Variants in GPC6 observed in about 807,000 individuals in gnomAD.
GPC6 encodes the protein glypican-6.
GPC6 carries 14 observed loss-of-function variants against 55.2 expected under a neutral mutation model. That is an observed-to-expected ratio of 0.25 (90% confidence interval 0.17 to 0.40). The LOEUF (loss-of-function observed/expected upper bound fraction) is 0.40, where lower values mean the gene tolerates loss of function less well. GPC6 is among the 10% of genes least tolerant of loss of function. GPC6 has a pLI of 1.00. For missense variants in GPC6, 641 were observed against 708.5 expected (o/e 0.90, Z 1.08); for synonymous variants, 278 against 259.6 (o/e 1.07, Z -0.68).
intron 3 of GPC6, among the ~76,000 whole-genome samples, chr13:94,022,324 T>C (rs1045901591): frequency 2.6e-5 from 4 of 152,106 alleles, no homozygotes; most frequent in Non-Finnish European, 5.9e-5. Flanking sequence ...GCCACAAATA[T>C]TTGAAATCAT....
At chr13:93,225,659 G>T (rs920906261), upstream of GPC6, among the ~76,000 whole-genome samples, 1 of 152,086 alleles carries the variant, frequency 6.6e-6, no homozygotes, top group African/African-American at 2.4e-5. Context: ...AGGAGAGGGG[G>T]AATTTATTAA....
rs183658090 is a variant in GPC6, at chr13:93,871,509, G to T, written c.711+40964G>T. On this transcript the variant is annotated intron_variant, in intron 3 of 8. Coordinates refer to ENST00000377047, the MANE Select transcript of GPC6 (RefSeq NM_005708.5). ...CTCATCGTCTTTTCCAAAAATATTT[G>T]CATGACACCAGACTAAACGTCGCAC... Among the ~76,000 whole-genome samples the T allele has an allele frequency of 4.7e-3, 710 of 151,944 alleles. 2 individuals are homozygous for T. The highest frequency in any genetic ancestry group is 0.014 in the Middle Eastern group (4 of 294).
intron 1 of GPC6, among the ~76,000 whole-genome samples, chr13:93,470,713 G>A (rs113070973): frequency 6.6e-6 from 1 of 151,258 alleles, no homozygotes; most frequent in Non-Finnish European, 1.5e-5. Context: ...TTATAAAATT[G>A]GTGTTATTTT....
chr13:93,964,883 T>C (rs1383413032), intron 3 of GPC6, among the ~76,000 whole-genome samples: 2 of 152,110 alleles, frequency 1.3e-5, no homozygotes, highest in African/African-American at 4.8e-5. Context: ...GACTTCTACA[T>C]GGGAATAAAA....
In GPC6 at chr13:94,027,731, C is replaced by A; in HGVS notation, c.714C>A (p.Val238=). 1 of 1,613,816 alleles carries A rather than the reference C, an allele frequency of 6.2e-7. No individual in the cohort carries two copies. The highest frequency in any genetic ancestry group is 8.5e-7 in the Non-Finnish European group (1 of 1,179,836). The change falls in exon 4 of 9, where the codon GTC becomes GTA. Residue 238 remains valine (V), a splice_region_variant and synonymous_variant. Coordinates refer to ENST00000377047, the MANE Select transcript of GPC6 (RefSeq NM_005708.5). Reference sequence around the variant, plus strand: ...TTTTCTTTGCAATAAATCTGCAGGTCAGCCCAACCCCAGGGTGTATCCGTG... The same window carrying A: ...TTTTCTTTGCAATAAATCTGCAGGTAAGCCCAACCCCAGGGTGTATCCGTG... ...GREVANRVSK[V]SPTPGCIRAL... is the part of the protein sequence containing the mutation.
intron 6 of GPC6, among the ~76,000 whole-genome samples, chr13:94,377,800 T>C (rs1229616133): frequency 6.6e-6 from 1 of 152,184 alleles, no homozygotes; most frequent in Non-Finnish European, 1.5e-5. Flanking sequence ...CCAACCCAAA[T>C]GTCCAACAAT....
intron 1 of GPC6, among the ~76,000 whole-genome samples, chr13:93,315,387 A>T (rs1479407877): frequency 6.6e-6 from 1 of 152,094 alleles, no homozygotes; most frequent in South Asian, 2.1e-4. Context: ...TTGGAAGAAA[A>T]TAAGTTTAGA....
intron 1 of GPC6, among the ~76,000 whole-genome samples, chr13:93,294,159 TA>T (rs1444662653): frequency 1.5e-4 from 23 of 152,240 alleles, no homozygotes; most frequent in Admixed American, 9.8e-4. Context: ...TCTCCAAAGA[TA>T]TTTTTTATTT....
At chr13:93,490,016 T>C (rs1441140744) in intron 1 of GPC6, among the ~76,000 whole-genome samples, 5 of 150,542 alleles carry the variant, frequency 3.3e-5, no homozygotes, top group Non-Finnish European at 2.9e-5. Context: ...TGAATAGGAG[T>C]GGTGAGAGAG....
At chr13:93,732,882 CAT>C (rs1051504730) in intron 2 of GPC6, among the ~76,000 whole-genome samples, 1 of 152,098 alleles carries the variant, frequency 6.6e-6, no homozygotes, top group African/African-American at 2.4e-5. Flanking sequence ...ATCATTTTTA[CAT>C]GTCTTCAATA....
chr13:94,027,005 AG>A (rs1882923292), intron 3 of GPC6, among the ~76,000 whole-genome samples: 1 of 152,186 alleles, frequency 6.6e-6, no homozygotes, highest in Non-Finnish European at 1.5e-5. Context: ...TTCCTCTTGA[AG>A]TCAAATTAGA....
rs536900107 is a variant in GPC6, at chr13:93,506,917, C to T, written c.161-38346C>T. On this transcript the variant is annotated intron_variant, in intron 1 of 8. Coordinates refer to ENST00000377047, the MANE Select transcript of GPC6 (RefSeq NM_005708.5). Reference sequence around the variant, plus strand: ...TACAAAAAAAAAAAAAAAAATTAGCCGGGCGTGGCGGCGGGCGCCTGTAGT... The same window carrying T: ...TACAAAAAAAAAAAAAAAAATTAGCTGGGCGTGGCGGCGGGCGCCTGTAGT... Among the ~76,000 whole-genome samples the T allele has an allele frequency of 2.3e-4, 34 of 148,468 alleles. No individual in the cohort carries two copies. The South Asian group carries it at 6.7e-3, about 29-fold the overall frequency.
intron 4 of GPC6, among the ~76,000 whole-genome samples, chr13:94,190,936 G>T (rs1889371626): frequency 6.6e-6 from 1 of 152,054 alleles, no homozygotes; most frequent in African/African-American, 2.4e-5. Context: ...GTAGTAATGT[G>T]TATACTATCT....
At chr13:93,352,049 A>G (rs1880649485) in intron 1 of GPC6, among the ~76,000 whole-genome samples, 2 of 152,150 alleles carry the variant, frequency 1.3e-5, no homozygotes, top group Non-Finnish European at 2.9e-5. Context: ...TTGACAACCC[A>G]CTAAATGGTG....
intron 4 of GPC6, among the ~76,000 whole-genome samples, chr13:94,193,416 A>G (rs903079833): frequency 2.0e-5 from 3 of 152,134 alleles, no homozygotes; most frequent in African/African-American, 7.2e-5. Flanking sequence ...GGGGGCCGCC[A>G]TTCCTGACCT....
chr13:93,839,625 G>A (rs1466216882), intron 3 of GPC6, among the ~76,000 whole-genome samples: 1 of 152,156 alleles, frequency 6.6e-6, no homozygotes, highest in Non-Finnish European at 1.5e-5. Context: ...ACATGTACAA[G>A]TGAGGAGGGT....
intron 1 of GPC6, among the ~76,000 whole-genome samples, chr13:93,482,203 A>C (rs1426511892): frequency 6.6e-6 from 1 of 152,140 alleles, no homozygotes; most frequent in African/African-American, 2.4e-5. Context: ...TAGAAACACA[A>C]GTGCTTTTCT....
At chr13:93,279,865 G>A (rs145010522) in intron 1 of GPC6, among the ~76,000 whole-genome samples, 1 of 152,256 alleles carries the variant, frequency 6.6e-6, no homozygotes, top group East Asian at 1.9e-4. Flanking sequence ...GTTTGTAATT[G>A]GAAAGTTCTG....
At chr13:93,503,154 G>A (rs918261242) in intron 1 of GPC6, among the ~76,000 whole-genome samples, 2 of 150,640 alleles carry the variant, frequency 1.3e-5, no homozygotes, top group African/African-American at 4.9e-5. Flanking sequence ...ATCAATTCAT[G>A]TACATCATCT....
Sources: gnomAD v4.1 joint callset for allele counts (sites outside exome capture counted in the v4.1 genomes callset) on GRCh38, gnomAD v4.1.1 for gene constraint, MANE v1.5 for transcripts, NCBI Gene and HGNC (gene_info 2026-07-23, HGNC 2026-07-21) for gene names.